PTK2B: variants seen among roughly 807,000 people sequenced by gnomAD.
PTK2B encodes protein tyrosine kinase 2 beta, also known as protein-tyrosine kinase 2-beta.
Under a neutral mutation model 142.9 loss-of-function variants are expected in PTK2B, and 71 were observed. The observed-to-expected ratio is 0.50, with a 90% CI of 0.41 to 0.61. The LOEUF (loss-of-function observed/expected upper bound fraction) is 0.61. PTK2B is among the 20% of genes least tolerant of loss of function. PTK2B has a pLI of 0.00. For synonymous variants in PTK2B, 519 were observed against 503.4 expected, an observed-to-expected ratio of 1.03 and a Z score of -0.42; for missense variants, 1,105 against 1,320.4, an observed-to-expected ratio of 0.84 and a Z score of 2.53.
At chr8:27,317,388 G>T (rs1471706759) in intron 3 of PTK2B, among the ~76,000 whole-genome samples, 1 of 152,158 alleles carries the variant, frequency 6.6e-6, no homozygotes, top group Non-Finnish European at 1.5e-5. Context: ...CCATTTGATA[G>T]GCAGTGACCT....
Position 27,445,875 on chromosome 8 carries a change from C to T in PTK2B, c.2296C>T (p.Pro766Ser). The T allele has an allele frequency of 1.9e-6, 3 of 1,614,096 alleles. No homozygotes were observed. The highest frequency in any genetic ancestry group is 2.2e-5 in the East Asian group (1 of 44,886). ...ATCTCCCGTTAACTCACTGCACACC[C>T]CACCTCTCCACCGGCACAATGTCTT... is the stretch of plus-strand genomic sequence containing the variant. ...YPSPVNSLHT[P>S]PLHRHNVFKR... The change falls in exon 24 of 31, where the codon CCA (proline) becomes TCA (serine). Residue 766 changes from proline to serine, a missense_variant. Pro to Ser is a moderately conservative substitution (Grantham distance 74). Transcript: ENST00000346049.
At chr8:27,348,790 G>A (rs1804870778) in intron 1 of PTK2B, among the ~76,000 whole-genome samples, 1 of 152,098 alleles carries the variant, frequency 6.6e-6, no homozygotes, top group South Asian at 2.1e-4. Flanking sequence ...CAGGATGCCA[G>A]TGATGCAGGC....
intron 1 of PTK2B, among the ~76,000 whole-genome samples, chr8:27,383,878 C>T (rs1198433012): frequency 1.4e-5 from 1 of 69,628 alleles, no homozygotes; most frequent in Admixed American, 1.5e-4. Flanking sequence ...GACAGAGTTT[C>T]ACTCCTGTTG....
At chr8:27,332,081 C>T (rs80012105) in intron 1 of PTK2B, among the ~76,000 whole-genome samples, 4 of 152,210 alleles carry the variant, frequency 2.6e-5, no homozygotes, top group African/African-American at 9.6e-5. Flanking sequence ...CGGTGCCAAC[C>T]AAGACAGCTG....
intron 1 of PTK2B, among the ~76,000 whole-genome samples, chr8:27,332,456 A>T (rs556627428): frequency 6.6e-6 from 1 of 152,178 alleles, no homozygotes; most frequent in Non-Finnish European, 1.5e-5. Flanking sequence ...CCTGTCTGAC[A>T]TCGCCAAGTG....
At chr8:27,457,190 A>C (rs1487392563) in intron 30 of PTK2B, among the ~76,000 whole-genome samples, 1 of 152,254 alleles carries the variant, frequency 6.6e-6, no homozygotes, top group African/African-American at 2.4e-5. Flanking sequence ...CCTGTCTTCA[A>C]AGCTTCAAAG....
At chr8:27,453,981 C>A in intron 28 of PTK2B, 173 bp from the exon 29 acceptor site, 2 of 829,684 alleles carry the variant, frequency 2.4e-6, no homozygotes, top group Non-Finnish European at 3.7e-6. Context: ...TGGAAACTGC[C>A]CCAGAAGTGG....
intron 1 of PTK2B, among the ~76,000 whole-genome samples, chr8:27,346,840 T>C (rs555644101): frequency 6.6e-6 from 1 of 152,382 alleles, no homozygotes; most frequent in African/African-American, 2.4e-5. Flanking sequence ...TTTCTTTCAC[T>C]GAGCCAAACT....
At chr8:27,449,523 C>G (rs1811678042) in intron 24 of PTK2B, among the ~76,000 whole-genome samples, 1 of 152,222 alleles carries the variant, frequency 6.6e-6, no homozygotes, top group Non-Finnish European at 1.5e-5. Context: ...GCATCTTCTG[C>G]AAGTGACCTG....
At chr8:27,431,502 C>A in intron 9 of PTK2B, 30 bp downstream of exon 9, 1 of 1,612,792 alleles carries the variant, frequency 6.2e-7, no homozygotes, top group Non-Finnish European at 8.5e-7. Context: ...CCCCACCCAG[C>A]CCCAGGCGGG....
intron 1 of PTK2B, among the ~76,000 whole-genome samples, chr8:27,372,888 A>G (rs1806443863): frequency 6.6e-6 from 1 of 152,174 alleles, no homozygotes. Context: ...GCATTTAAAG[A>G]TTAGAGAGTT....
rs755913436 is a variant in PTK2B at position 27,445,832 on chromosome 8, C to T, written c.2253C>T (p.Thr751=). Residue 751 remains threonine, a synonymous_variant, in exon 24 of 31, where the codon ACC becomes ACT. Coordinates refer to ENST00000346049, the MANE Select transcript of PTK2B (RefSeq NM_173176.3). The part of the protein sequence containing the change: ...EGLCASSPTL[T]SPMEYPSPVN... ...TGTGTGCCAGCTCTCCTACGCTCAC[C>T]AGCCCTATGGAGTATCCATCTCCCG... 2 of 1,614,122 alleles carry T rather than the reference C, an allele frequency of 1.2e-6. No individual in the cohort carries two copies. The highest frequency in any genetic ancestry group is 1.7e-5 in the Admixed American group (1 of 60,026).
chr8:27,431,751 C>G (rs1002698479), intron 9 of PTK2B, among the ~76,000 whole-genome samples: 7 of 152,214 alleles, frequency 4.6e-5, no homozygotes, highest in Non-Finnish European at 5.9e-5. Flanking sequence ...AGCAGTGTTG[C>G]TCTTTCAGTG....
chr8:27,385,098 C>T lies in PTK2B; in HGVS notation c.-37-12450C>T, dbSNP rs547727903. Reference sequence around the variant, plus strand: ...GCTGTGTGGCCTTTGGGAAGTTACTCTGCTCATCCTCGGAGACCTCATCCA... The same window carrying T: ...GCTGTGTGGCCTTTGGGAAGTTACTTTGCTCATCCTCGGAGACCTCATCCA... On this transcript the variant is annotated intron_variant, in intron 1 of 30. Transcript: ENST00000346049. Among the ~76,000 whole-genome samples the T allele has an allele frequency of 2.0e-5, 3 of 152,302 alleles. No individual in the cohort carries two copies. The South Asian group carries it at 6.2e-4, about 32-fold the overall frequency.
intron 20 of PTK2B, 44 bp downstream of exon 20, chr8:27,439,442 C>G (rs1811013749): frequency 6.4e-7 from 1 of 1,559,336 alleles, no homozygotes; most frequent in Non-Finnish European, 8.8e-7. Context: ...TTCAGATTCT[C>G]ACTTCTGAAC....
intron 3 of PTK2B, among the ~76,000 whole-genome samples, chr8:27,317,689 T>G (rs1803123264): frequency 6.6e-6 from 1 of 152,244 alleles, no homozygotes; most frequent in Non-Finnish European, 1.5e-5. Context: ...GAATAGCAGC[T>G]GCTCCCTGTA....
chr8:27,428,104 G>A (rs1810194515), intron 5 of PTK2B, among the ~76,000 whole-genome samples: 1 of 152,192 alleles, frequency 6.6e-6, no homozygotes, highest in Non-Finnish European at 1.5e-5. Flanking sequence ...GACAGTGACT[G>A]ATCATCAAGC....
At chr8:27,399,858 G>T (rs1051218829) in intron 2 of PTK2B, among the ~76,000 whole-genome samples, 3 of 152,190 alleles carry the variant, frequency 2.0e-5, no homozygotes, top group African/African-American at 7.2e-5. Context: ...TGGTTGTGTG[G>T]CCTGGGACCT....
chr8:27,346,893 A>G (rs1033134400), intron 1 of PTK2B, among the ~76,000 whole-genome samples: 2 of 152,234 alleles, frequency 1.3e-5, no homozygotes, highest in East Asian at 3.8e-4. Context: ...GCACTTGGCA[A>G]TAGCCCAGAA....
Sources: allele counts gnomAD v4.1 joint callset (sites outside exome capture counted in the v4.1 genomes callset), GRCh38; gene constraint gnomAD v4.1.1; transcripts MANE v1.5; gene names NCBI Gene and HGNC (gene_info 2026-07-23, HGNC 2026-07-21).